Variants in ASCC2 observed in about 807,000 individuals in gnomAD.
The protein encoded by ASCC2 is activating signal cointegrator 1 complex subunit 2.
ASCC2 carries 42 observed loss-of-function variants against 93.5 expected under a neutral mutation model. The ratio of observed to expected loss-of-function variants is 0.45; its 90% confidence interval spans 0.35 to 0.58. The LOEUF (loss-of-function observed/expected upper bound fraction) is 0.58, where lower values mean the gene tolerates loss of function less well. ASCC2 is among the 20% of genes least tolerant of loss of function. The pLI, the probability that ASCC2 is intolerant of heterozygous loss-of-function variation, is 0.00. For synonymous variants in ASCC2, 364 were observed against 384.2 expected, an observed-to-expected ratio of 0.95 and a Z score of 0.62; for missense variants, 859 against 977.6, an observed-to-expected ratio of 0.88 and a Z score of 1.62.
At chr22:29,808,423 G>A (rs2059926239) in intron 8 of ASCC2, among the ~76,000 whole-genome samples, 1 of 152,158 alleles carries the variant, frequency 6.6e-6, no homozygotes, top group Admixed American at 6.5e-5. Context: ...GGCAACTGAG[G>A]CCCAGATAGG....
chr22:29,804,564 C>T, intron 13 of ASCC2, 74 bp downstream of exon 13: 2 of 1,537,826 alleles, frequency 1.3e-6, no homozygotes, highest in Non-Finnish European at 1.8e-6. Flanking sequence ...AGGGAGGTTT[C>T]CTGCTGCCCC....
chr22:29,835,855 G>C (rs1352408874), intron 1 of ASCC2, among the ~76,000 whole-genome samples: 1 of 152,122 alleles, frequency 6.6e-6, no homozygotes, highest in East Asian at 1.9e-4. Context: ...CATTAAAGCT[G>C]TAACAGGAAA....
rs369037311 is a variant in ASCC2, at chr22:29,801,135, T to C, written c.1569-25A>G. 8 of 1,571,744 alleles carry C rather than the reference T, an allele frequency of 5.1e-6. No homozygotes were observed. The African/African-American group carries it at 1.1e-4, about 21-fold the overall frequency. ...TCTGGGTGGGGGACACAGAGATCAA[T>C]TTAAGGGGGCCCTGCCAGCTGATGC... is the stretch of plus-strand genomic sequence containing the variant. On this transcript the variant is annotated intron_variant, in intron 14 of 19. Transcript: ENST00000307790.
At chr22:29,811,370 G>T (rs1472134361) in intron 8 of ASCC2, among the ~76,000 whole-genome samples, 2 of 152,186 alleles carry the variant, frequency 1.3e-5, no homozygotes, top group African/African-American at 4.8e-5. Context: ...TAGAAAGGGG[G>T]ACTTTCCAGT....
At chr22:29,834,647 G>A (rs557175916) in intron 1 of ASCC2, 66 of 436,210 alleles carry the variant, frequency 1.5e-4, no homozygotes, top group African/African-American at 1.1e-3. Context: ...TCTGCTGCAC[G>A]TATTTCTAAT....
chr22:29,804,868 A>G, intron 12 of ASCC2, 38 bp from the exon 13 acceptor site: 3 of 1,592,566 alleles, frequency 1.9e-6, no homozygotes, highest in Non-Finnish European at 2.6e-6. Context: ...TTAAGCTCCT[A>G]GCTCTGAAGC....
rs183005760 is a variant in ASCC2, at chr22:29,802,116, A to G, written c.1446T>C (p.Leu482=). 9.9e-6 allele frequency: 16 copies of G among 1,614,188 alleles called. No homozygotes were observed. The East Asian group carries it at 3.3e-4, about 34-fold the overall frequency. The part of the protein sequence containing the change: ...ISQVKDLLPD[L]GEGFILACLE... Reference sequence around the variant, plus strand: ...GGCAGGCCAGGATGAAGCCCTCACCAAGGTCTGGCAGCAGGTCCTTCACTT... The same window carrying G: ...GGCAGGCCAGGATGAAGCCCTCACCGAGGTCTGGCAGCAGGTCCTTCACTT... The change falls in exon 14 of 20, where the codon CTT becomes CTC. Residue 482 remains leucine (L), a synonymous_variant. Transcript: ENST00000307790.
At chr22:29,798,956 C>T (rs775322134) in intron 15 of ASCC2, among the ~76,000 whole-genome samples, 1 of 152,236 alleles carries the variant, frequency 6.6e-6, no homozygotes, top group Non-Finnish European at 1.5e-5. Flanking sequence ...AGTCTCTCTG[C>T]GTGCCAGCCC....
chr22:29,793,248 G>C, intron 17 of ASCC2, 112 bp downstream of exon 17: 3 of 1,458,096 alleles, frequency 2.1e-6, no homozygotes. Context: ...GGAGTCAGGA[G>C]GACTGGGTTT....
At chr22:29,805,144 G>A (rs945632232) in intron 12 of ASCC2, among the ~76,000 whole-genome samples, 1 of 152,220 alleles carries the variant, frequency 6.6e-6, no homozygotes, top group African/African-American at 2.4e-5. Flanking sequence ...TGACTGCCAG[G>A]AGGAGGGCGT....
intron 1 of ASCC2, among the ~76,000 whole-genome samples, chr22:29,837,093 A>G (rs2063892591): frequency 6.6e-6 from 1 of 152,222 alleles, no homozygotes; most frequent in Non-Finnish European, 1.5e-5. Context: ...GGAAGAAGTG[A>G]TGTCAAGGAA....
At chr22:29,803,094 AC>A (rs2059281471) in intron 13 of ASCC2, among the ~76,000 whole-genome samples, 1 of 151,876 alleles carries the variant, frequency 6.6e-6, no homozygotes, top group South Asian at 2.1e-4. Flanking sequence ...TAAAAAAAAT[AC>A]AAAAAATTAG....
At chr22:29,814,181 C>G in intron 7 of ASCC2, among the ~76,000 whole-genome samples, 1 of 152,222 alleles carries the variant, frequency 6.6e-6, no homozygotes, top group East Asian at 1.9e-4. Context: ...AGGGCAGCAC[C>G]TGACACATGT....
intron 2 of ASCC2, among the ~76,000 whole-genome samples, chr22:29,828,923 C>T (rs1602243432): frequency 1.3e-5 from 2 of 152,044 alleles, no homozygotes; most frequent in South Asian, 4.1e-4. Context: ...GCCTGTAATC[C>T]CAGCACTTTC....
At chr22:29,819,906 C>T (rs1420910248) in intron 5 of ASCC2, among the ~76,000 whole-genome samples, 1 of 152,182 alleles carries the variant, frequency 6.6e-6, no homozygotes, top group Non-Finnish European at 1.5e-5. Flanking sequence ...GTCACCCAGG[C>T]TGGAGTGTAG....
At chr22:29,796,785 C>A (rs989734772) in intron 15 of ASCC2, among the ~76,000 whole-genome samples, 2 of 152,152 alleles carry the variant, frequency 1.3e-5, no homozygotes, top group Non-Finnish European at 2.9e-5. Context: ...ACACATATTT[C>A]CTAAGGGCCT....
rs541686613 is a variant in ASCC2, at chr22:29,825,877, C to G, written c.82-97G>C. 1 of 1,414,760 alleles carries G rather than the reference C, an allele frequency of 7.1e-7. No homozygotes were observed. The highest frequency in any genetic ancestry group is 9.6e-7 in the Non-Finnish European group (1 of 1,039,632). 87.6% of individuals were successfully genotyped at this position (1,414,760 alleles called of 1,614,324 possible). ...AATGACAACACTTGGCTGTTCCAACCGGTGACCCTCCAAGGAGCTTTTAAG... is the reference window on the plus strand; with the variant it reads ...AATGACAACACTTGGCTGTTCCAACGGGTGACCCTCCAAGGAGCTTTTAAG... On this transcript the variant is annotated intron_variant, in intron 2 of 19. Coordinates refer to ENST00000307790, the MANE Select transcript of ASCC2 (RefSeq NM_032204.5). This position sits in a 1 kb window ranked among gnomAD's most constrained non-coding sequence, Gnocchi z 4.9.
chr22:29,792,444 C>T lies in ASCC2; in HGVS notation c.2011G>A (p.Glu671Lys), dbSNP rs2057870222. The change falls in exon 18 of 20, where the codon GAG becomes AAG. Residue 671 changes from glutamate (E) to lysine (K), a missense_variant. Coordinates refer to ENST00000307790, the MANE Select transcript of ASCC2 (RefSeq NM_032204.5). ...TGCCAGGGAGGTACCTTGGGAGCCT[C>T]CTCGTCAGCATCGTCTTCCTCATCG... ...DDDEEDDADEEAPKPDHFVQD... is the reference protein window; with the variant it reads ...DDDEEDDADEKAPKPDHFVQD... The T allele has an allele frequency of 6.2e-7, 1 of 1,614,014 alleles. No homozygotes were observed. The highest frequency in any genetic ancestry group is 1.3e-5 in the African/African-American group (1 of 75,030).
rs920409870 is a variant in ASCC2 at position 29,818,493 on chromosome 22, G to A, written c.542-2420C>T. Among the ~76,000 whole-genome samples the A allele has an allele frequency of 1.2e-3, 135 of 110,594 alleles. 1 individual carries two copies. Among genetic ancestry groups the A allele is most frequent in the Non-Finnish European group, 6.2e-4 (31 of 50,276 alleles). 72.6% of individuals were successfully genotyped at this position (110,594 alleles called of 152,430 possible). On this transcript the variant is annotated intron_variant, in intron 5 of 19. Coordinates refer to ENST00000307790, the MANE Select transcript of ASCC2 (RefSeq NM_032204.5). ...ACACACACACAGTGAAGGGGCTCCT[G>A]AGGCCTGGTCCTGACTTCTTTTGTG...
Sources: gnomAD v4.1 joint callset for allele counts (sites outside exome capture counted in the v4.1 genomes callset) on GRCh38, gnomAD v4.1.1 for gene constraint, Gnocchi (gnomAD v3.1) non-coding constraint, MANE v1.5 for transcripts, NCBI Gene and HGNC (gene_info 2026-07-23, HGNC 2026-07-21) for gene names.